EBF1: variants seen among roughly 807,000 people sequenced by gnomAD.
EBF1 encodes the protein transcription factor COE1.
A neutral mutation model predicts 68.4 loss-of-function variants in EBF1; 10 were observed. That is an observed-to-expected ratio of 0.15 (90% CI 0.09 to 0.25). The LOEUF (loss-of-function observed/expected upper bound fraction) is 0.25. EBF1 is among the 10% of genes least tolerant of loss of function. The pLI is 1.00. For missense variants in EBF1, 509 were observed against 794.4 expected, an observed-to-expected ratio of 0.64 and a Z score of 4.32; for synonymous variants, 298 against 299.8, an observed-to-expected ratio of 0.99 and a Z score of 0.06.
At chr5:159,097,604 C>T (rs1479592163) in intron 1 of EBF1, 1 of 239,102 alleles carries the variant, frequency 4.2e-6, no homozygotes, top group Non-Finnish European at 8.2e-6. Flanking sequence ...CAGCCACCCT[C>T]CAGGAACCCC....
intron 6 of EBF1, among the ~76,000 whole-genome samples, chr5:159,041,166 G>A (rs991940230): frequency 1.3e-5 from 2 of 152,174 alleles, no homozygotes; most frequent in South Asian, 4.1e-4. Flanking sequence ...AATCCCCAAT[G>A]CCTTAATAAA....
chr5:158,949,021 T>A (rs1428612085), intron 6 of EBF1, among the ~76,000 whole-genome samples: 1 of 152,208 alleles, frequency 6.6e-6, no homozygotes, highest in South Asian at 2.1e-4. Context: ...CAGGAGTAGG[T>A]CATGGAATAT....
intron 9 of EBF1, among the ~76,000 whole-genome samples, chr5:158,792,446 G>A (rs1375941685): frequency 6.6e-6 from 1 of 152,170 alleles, no homozygotes; most frequent in African/African-American, 2.4e-5. Flanking sequence ...TAGGGAAAGA[G>A]CACAGATTAG....
intron 8 of EBF1, among the ~76,000 whole-genome samples, chr5:158,802,467 C>T (rs957599805): frequency 3.3e-5 from 5 of 152,034 alleles, no homozygotes; most frequent in East Asian, 1.9e-4. Context: ...TGTAGGAAAA[C>T]GTGCACACTC....
Position 158,855,469 on chromosome 5 carries a change from C to T in EBF1, c.555-15359G>A, listed in dbSNP as rs1793794546. On this transcript the variant is annotated intron_variant, in intron 6 of 15. Transcript: ENST00000313708. ...TAGTTCCCATTCGTGAGCACCCCAGCCATGGGGGCTACTTTTCACATCCAC... is the reference window on the plus strand; with the variant it reads ...TAGTTCCCATTCGTGAGCACCCCAGTCATGGGGGCTACTTTTCACATCCAC... Among the ~76,000 whole-genome samples the T allele has an allele frequency of 2.0e-5, 3 of 152,188 alleles. No homozygotes were observed. In the South Asian group the frequency reaches 6.2e-4, roughly 32 times the overall value.
chr5:158,705,144 C>A (rs1028775875), intron 15 of EBF1, among the ~76,000 whole-genome samples: 1 of 152,138 alleles, frequency 6.6e-6, no homozygotes, highest in Non-Finnish European at 1.5e-5. Context: ...CCAGGCCCGG[C>A]TAATTTTTGT....
At chr5:158,949,774 G>T (rs775303697) in intron 6 of EBF1, among the ~76,000 whole-genome samples, 1 of 152,128 alleles carries the variant, frequency 6.6e-6, no homozygotes, top group Non-Finnish European at 1.5e-5. Flanking sequence ...TCAAATGTGC[G>T]CTAAGCCATA....
Position 158,934,768 on chromosome 5 carries a change from C to T in EBF1, c.555-94658G>A, listed in dbSNP as rs900305037. ...ATCAAAGGAGACAACATATGTAAAA[C>T]GTTTAGCACAGTGCCTGGCACATAG... On this transcript the variant is annotated intron_variant, in intron 6 of 15. Coordinates refer to ENST00000313708, the MANE Select transcript of EBF1 (RefSeq NM_024007.5). 4.6e-5 allele frequency among the ~76,000 whole-genome samples: 7 copies of T among 152,310 alleles called. No individual in the cohort carries two copies. In the East Asian group the frequency reaches 9.6e-4, roughly 21 times the overall value.
At chr5:158,741,061 A>G (rs1766267200) in intron 10 of EBF1, among the ~76,000 whole-genome samples, 2 of 152,274 alleles carry the variant, frequency 1.3e-5, no homozygotes, top group Admixed American at 1.3e-4. Context: ...AAAGAAATGG[A>G]CAAAAAATAT....
At chr5:159,032,236 A>G (rs1769062600) in intron 6 of EBF1, among the ~76,000 whole-genome samples, 1 of 152,218 alleles carries the variant, frequency 6.6e-6, no homozygotes, top group African/African-American at 2.4e-5. Context: ...CCTCAGTCCA[A>G]AATCCTGTGA....
intron 6 of EBF1, among the ~76,000 whole-genome samples, chr5:158,975,457 T>C (rs1756548439): frequency 6.6e-6 from 1 of 152,156 alleles, no homozygotes; most frequent in African/African-American, 2.4e-5. Context: ...TGTCTTCATA[T>C]ATTTTCCAAC....
chr5:159,078,361 C>T (rs535607536), intron 5 of EBF1, among the ~76,000 whole-genome samples: 3 of 152,260 alleles, frequency 2.0e-5, no homozygotes, highest in East Asian at 3.9e-4. Flanking sequence ...ATGTTTAAGG[C>T]AGAAGAGGGC....
At chr5:158,816,886 G>A (rs1391746007) in intron 8 of EBF1, among the ~76,000 whole-genome samples, 3 of 152,160 alleles carry the variant, frequency 2.0e-5, no homozygotes, top group Admixed American at 2.0e-4. Context: ...TAGGGGGACA[G>A]CTCCAAAGCA....
chr5:158,799,233 G>T lies in EBF1; in HGVS notation c.779-2758C>A, dbSNP rs80030641. Among the ~76,000 whole-genome samples, 644 of 152,014 alleles carry T rather than the reference G, an allele frequency of 4.2e-3. 12 individuals are homozygous for T. Among genetic ancestry groups the T allele is most frequent in the East Asian group, 0.028 (146 of 5,140 alleles). ...TCTTGTGGTCAAGAGTTCAAGACTGGCCCAGGCAACACAGTAAGACTCTGT... is the reference window on the plus strand; with the variant it reads ...TCTTGTGGTCAAGAGTTCAAGACTGTCCCAGGCAACACAGTAAGACTCTGT... On this transcript the variant is annotated intron_variant, in intron 8 of 15. Coordinates refer to ENST00000313708, the MANE Select transcript of EBF1 (RefSeq NM_024007.5).
At chr5:158,971,288 C>A (rs561606250) in intron 6 of EBF1, among the ~76,000 whole-genome samples, 3 of 152,260 alleles carry the variant, frequency 2.0e-5, no homozygotes, top group South Asian at 4.2e-4. Context: ...CCATGGGTCT[C>A]GGAAAATAGC....
At chr5:158,933,614 G>A (rs1315305822) in intron 6 of EBF1, among the ~76,000 whole-genome samples, 12 of 152,200 alleles carry the variant, frequency 7.9e-5, no homozygotes, top group Admixed American at 7.2e-4. Flanking sequence ...AGAACAGAGA[G>A]ACCAGGACTT....
chr5:159,088,504 T>C (rs1317906625), intron 4 of EBF1, among the ~76,000 whole-genome samples: 1 of 152,160 alleles, frequency 6.6e-6, no homozygotes, highest in Non-Finnish European at 1.5e-5. Flanking sequence ...AATTTAAATA[T>C]GTGCCTCTGT....
chr5:158,909,544 A>G (rs1026512096), intron 6 of EBF1, among the ~76,000 whole-genome samples: 1 of 152,186 alleles, frequency 6.6e-6, no homozygotes, highest in African/African-American at 2.4e-5. Flanking sequence ...ATGACTGATC[A>G]TTGGTTGGCT....
intron 10 of EBF1, among the ~76,000 whole-genome samples, chr5:158,761,075 C>T (rs1771334184): frequency 6.6e-6 from 1 of 152,170 alleles, no homozygotes; most frequent in South Asian, 2.1e-4. Flanking sequence ...ACAGCCCAAA[C>T]AGCACAAAGC....
Sources: allele counts gnomAD v4.1 joint callset (sites outside exome capture counted in the v4.1 genomes callset), GRCh38; gene constraint gnomAD v4.1.1; transcripts MANE v1.5; gene names NCBI Gene and HGNC (gene_info 2026-07-23, HGNC 2026-07-21).